WDR27: variants seen among roughly 807,000 people sequenced by gnomAD.
WDR27 encodes the protein WD repeat-containing protein 27.
In WDR27, 100 loss-of-function variants were observed where a neutral mutation model predicts 114.4. The observed-to-expected ratio is 0.87, with a 90% CI of 0.74 to 1.03. WDR27 has a LOEUF of 1.03. Ranked by LOEUF, WDR27 falls within the 50% of genes least tolerant of loss-of-function variation. The probability of loss-of-function intolerance (pLI) is 0.00; values close to 1 mark genes in which losing one functional copy is unlikely to be tolerated. For synonymous variants in WDR27, 449 were observed against 423.1 expected, an observed-to-expected ratio of 1.06 and a Z score of -0.75; for missense variants, 1,129 against 1,092.9, an observed-to-expected ratio of 1.03 and a Z score of -0.47.
intron 25 of WDR27, among the ~76,000 whole-genome samples, chr6:169,484,990 C>T (rs1395614291): frequency 6.6e-6 from 1 of 152,144 alleles, no homozygotes; most frequent in African/African-American, 2.4e-5. Flanking sequence ...GAAGCCGGAC[C>T]CCTTCCTTTA....
intron 25 of WDR27, among the ~76,000 whole-genome samples, chr6:169,535,911 GC>G (rs1382059187): frequency 6.6e-6 from 1 of 152,142 alleles, no homozygotes; most frequent in Non-Finnish European, 1.5e-5. Context: ...AAATACCAGG[GC>G]CAATCCACTG....
chr6:169,522,465 T>C (rs377653560), intron 25 of WDR27, among the ~76,000 whole-genome samples: 1 of 152,138 alleles, frequency 6.6e-6, no homozygotes, highest in African/African-American at 2.4e-5. Context: ...CTTGACCAAA[T>C]AGGCCTAAAT....
At chr6:169,686,319 C>T (rs1782936947) in intron 2 of WDR27, among the ~76,000 whole-genome samples, 1 of 151,954 alleles carries the variant, frequency 6.6e-6, no homozygotes, top group Non-Finnish European at 1.5e-5. Flanking sequence ...TAGAAAACCA[C>T]CCAACTGAAA....
At chr6:169,563,900 A>T (rs2128118392) in intron 25 of WDR27, among the ~76,000 whole-genome samples, 1 of 152,222 alleles carries the variant, frequency 6.6e-6, no homozygotes, top group East Asian at 1.9e-4. Flanking sequence ...CCTTCACAAG[A>T]CAGTGGCTGT....
At chr6:169,615,468 G>C (rs1041133579) in intron 21 of WDR27, among the ~76,000 whole-genome samples, 1 of 151,946 alleles carries the variant, frequency 6.6e-6, no homozygotes, top group African/African-American at 2.4e-5. Flanking sequence ...GCACAGTATT[G>C]ATAATAAAGC....
At position 169,691,996 on chromosome 6, in the gene WDR27, A is replaced by G. The variant is rs1784620231; in HGVS notation, c.-7-2984T>C. 2.0e-5 allele frequency among the ~76,000 whole-genome samples: 3 copies of G among 152,244 alleles called. 1 individual carries two copies. The South Asian group carries it at 6.2e-4, about 31-fold the overall frequency. Reference sequence around the variant, plus strand: ...AATTCACAGATCCTTTTAAAGAAGCAGCAGGCCACTGCAAATTCCATGAGA... The same window carrying G: ...AATTCACAGATCCTTTTAAAGAAGCGGCAGGCCACTGCAAATTCCATGAGA... On this transcript the variant is annotated intron_variant, in intron 1 of 25. Transcript: ENST00000448612.
rs181155061 is a variant in WDR27, at chr6:169,492,234, C to T, written c.2646-34600G>A. ...AAATAAGAATTTTGAAAAAAAAAAG[C>T]AGCAGATCATTGCTCGCCTAGACAA... On this transcript the variant is annotated intron_variant, in intron 25 of 25. Coordinates refer to ENST00000448612, the MANE Select transcript of WDR27 (RefSeq NM_182552.5). 3.3e-5 allele frequency among the ~76,000 whole-genome samples: 5 copies of T among 149,350 alleles called. No individual in the cohort carries two copies. In the East Asian group the frequency reaches 1.0e-3, roughly 31 times the overall value.
chr6:169,510,917 CA>C (rs1041573267), intron 25 of WDR27, among the ~76,000 whole-genome samples: 2 of 151,526 alleles, frequency 1.3e-5, no homozygotes, highest in South Asian at 4.2e-4. Flanking sequence ...GATTACAAGG[CA>C]AAAAAAATAT....
intron 21 of WDR27, among the ~76,000 whole-genome samples, chr6:169,621,719 T>C (rs112501724): frequency 0.044 from 6,470 of 147,436 alleles, 176 homozygotes; most frequent in Middle Eastern, 0.067. Flanking sequence ...TTCACGCATA[T>C]ACACATTCAC....
In WDR27 at chr6:169,658,290, C is replaced by T; in HGVS notation, c.1388G>A (p.Ser463Asn). ...CCTGTACTGACCACGTCGCTGTTCA[C>T]TAGCAGCCTTGGTACTCTTCTCCTT... ...IAKEKSTKAA[S>N]EQRRAARNVM... The change falls in exon 13 of 26, where the codon AGT becomes AAT. Residue 463 changes from serine (S) to asparagine (N), a missense_variant. By Grantham distance (46) the Ser-to-Asn change is conservative. Coordinates refer to ENST00000448612, the MANE Select transcript of WDR27 (RefSeq NM_182552.5). 1 of 1,601,040 alleles carries T rather than the reference C, an allele frequency of 6.2e-7. No individual in the cohort carries two copies. Among genetic ancestry groups the T allele is most frequent in the Non-Finnish European group, 8.5e-7 (1 of 1,174,026 alleles).
chr6:169,570,555 G>A lies in WDR27; in HGVS notation c.2645+1864C>T, dbSNP rs189922379. ...CTTTAAAAAGCTCAACTGGCCAGGTGCAGTGGCTCACGCCTGTAATCCCAA... is the reference window on the plus strand; with the variant it reads ...CTTTAAAAAGCTCAACTGGCCAGGTACAGTGGCTCACGCCTGTAATCCCAA... On this transcript the variant is annotated intron_variant, in intron 25 of 25. Transcript: ENST00000448612. 3.9e-4 allele frequency among the ~76,000 whole-genome samples: 60 copies of A among 152,344 alleles called. 1 individual carries two copies. In the East Asian group the frequency reaches 0.011, roughly 28 times the overall value.
chr6:169,585,683 T>C (rs1053229397), intron 23 of WDR27, among the ~76,000 whole-genome samples: 4 of 152,204 alleles, frequency 2.6e-5, no homozygotes, highest in Non-Finnish European at 4.4e-5. Flanking sequence ...TAAAAAATTA[T>C]AAGGAAGAGA....
At chr6:169,596,418 T>G (rs2128161813) in intron 23 of WDR27, among the ~76,000 whole-genome samples, 1 of 152,230 alleles carries the variant, frequency 6.6e-6, no homozygotes, top group East Asian at 1.9e-4. Flanking sequence ...AATTTTTTTC[T>G]AATGCTTTCC....
At chr6:169,701,122 G>T (rs1446456519) in intron 1 of WDR27, among the ~76,000 whole-genome samples, 2 of 152,194 alleles carry the variant, frequency 1.3e-5, no homozygotes, top group Non-Finnish European at 2.9e-5. Flanking sequence ...AGAGCAGTGT[G>T]TGTAAATTGT....
chr6:169,569,020 A>C (rs1800941947), intron 25 of WDR27, among the ~76,000 whole-genome samples: 1 of 152,072 alleles, frequency 6.6e-6, no homozygotes, highest in African/African-American at 2.4e-5. Flanking sequence ...CCGCCCACCC[A>C]AAAGCTTTGA....
At chr6:169,587,513 C>T (rs1343283599) in intron 23 of WDR27, among the ~76,000 whole-genome samples, 1 of 152,168 alleles carries the variant, frequency 6.6e-6, no homozygotes, top group East Asian at 1.9e-4. Context: ...GCCACTGCGC[C>T]CGGCCCTCAA....
chr6:169,637,568 AGTAT>A (rs1169975884), intron 18 of WDR27, among the ~76,000 whole-genome samples: 5 of 152,176 alleles, frequency 3.3e-5, no homozygotes, highest in Non-Finnish European at 5.9e-5. Context: ...ATATGTGGCA[AGTAT>A]GTAAGCGTGC....
At chr6:169,628,457 GACCAGGAC>G (rs1293001151) in intron 21 of WDR27, among the ~76,000 whole-genome samples, 1 of 152,208 alleles carries the variant, frequency 6.6e-6, no homozygotes, top group Non-Finnish European at 1.5e-5. Flanking sequence ...GTCACAGGGA[GACCAGGAC>G]ACCACACGGC....
At chr6:169,544,350 T>C (rs1412755371) in intron 25 of WDR27, among the ~76,000 whole-genome samples, 2 of 151,630 alleles carry the variant, frequency 1.3e-5, no homozygotes, top group Non-Finnish European at 2.9e-5. Context: ...AAAAAAAAAC[T>C]CTTAGAACTA....
Sources: gnomAD v4.1 joint callset for allele counts (sites outside exome capture counted in the v4.1 genomes callset) on GRCh38, gnomAD v4.1.1 for gene constraint, MANE v1.5 for transcripts, NCBI Gene and HGNC (gene_info 2026-07-23, HGNC 2026-07-21) for gene names.